Variants in GASK1B observed in about 807,000 individuals in gnomAD.
The protein encoded by GASK1B is Golgi-associated kinase 1B.
A neutral mutation model predicts 42.8 loss-of-function variants in GASK1B; 34 were observed. That is an observed-to-expected ratio of 0.79 (90% CI 0.60 to 1.06). The LOEUF is 1.06. Among genes scored for constraint, GASK1B ranks in the 50% least tolerant of loss-of-function variants. The pLI, the probability that GASK1B is intolerant of heterozygous loss-of-function variation, is 0.00. For synonymous variants in GASK1B, 262 were observed against 259.1 expected, an observed-to-expected ratio of 1.01 and a Z score of -0.11; for missense variants, 686 against 661.0, an observed-to-expected ratio of 1.04 and a Z score of -0.42.
intron 3 of GASK1B, among the ~76,000 whole-genome samples, chr4:158,133,943 C>G (rs768566521): frequency 6.6e-5 from 10 of 152,078 alleles, no homozygotes. Flanking sequence ...TGTGTGTACA[C>G]CTGCAGATGT....
chr4:158,129,313 G>A (rs988544234), intron 4 of GASK1B, among the ~76,000 whole-genome samples: 3 of 152,134 alleles, frequency 2.0e-5, no homozygotes, highest in Admixed American at 2.0e-4. Flanking sequence ...AAGACCCTGC[G>A]ATATCACCTT....
intron 2 of GASK1B, chr4:158,170,105 T>C (rs1732409119): frequency 2.4e-6 from 2 of 836,418 alleles, no homozygotes; most frequent in Non-Finnish European, 3.7e-6. Context: ...ATAGTATGCC[T>C]GACTGTCAGC....
At chr4:158,158,194 G>C (rs938903686) in intron 2 of GASK1B, among the ~76,000 whole-genome samples, 1 of 152,098 alleles carries the variant, frequency 6.6e-6, no homozygotes, top group Non-Finnish European at 1.5e-5. Flanking sequence ...ATTCAAAACT[G>C]ACCTTATCAG....
At chr4:158,151,227 C>T (rs1731543994) in intron 3 of GASK1B, among the ~76,000 whole-genome samples, 1 of 152,024 alleles carries the variant, frequency 6.6e-6, no homozygotes, top group Admixed American at 6.6e-5. Context: ...AGGAGTCACA[C>T]AATTATGTAG....
chr4:158,158,579 G>A (rs1731846631), intron 2 of GASK1B, among the ~76,000 whole-genome samples: 1 of 151,868 alleles, frequency 6.6e-6, no homozygotes, highest in Non-Finnish European at 1.5e-5. Context: ...TTTTTAAATA[G>A]TACCACTTTA....
chr4:158,163,240 G>A lies in GASK1B; in HGVS notation c.910+7226C>T, dbSNP rs149153263. 2.1e-3 allele frequency among the ~76,000 whole-genome samples: 320 copies of A among 152,306 alleles called. 1 individual carries two copies. The highest frequency in any genetic ancestry group is 7.4e-3 in the African/African-American group (308 of 41,572). On this transcript the variant is annotated intron_variant, in intron 2 of 4. Coordinates refer to ENST00000585682, the MANE Select transcript of GASK1B (RefSeq NM_001128424.2). Reference sequence around the variant, plus strand: ...AATCTAAAGAAGCATATCATAAAGAGCTACATCAGCTTAGAAATGGTATGA... The same window carrying A: ...AATCTAAAGAAGCATATCATAAAGAACTACATCAGCTTAGAAATGGTATGA...
At chr4:158,153,247 C>A (rs1387669991) in intron 3 of GASK1B, among the ~76,000 whole-genome samples, 1 of 152,058 alleles carries the variant, frequency 6.6e-6, no homozygotes, top group African/African-American at 2.4e-5. Flanking sequence ...ACCCCTTTTA[C>A]AATAGCTGCA....
chr4:158,144,657 A>T (rs2346783), intron 3 of GASK1B, among the ~76,000 whole-genome samples: 140,731 of 152,040 alleles, frequency 0.93, 65,403 homozygotes, highest in East Asian at 0.98. Context: ...CATTGTTCTC[A>T]AAACCCTCTG....
intron 2 of GASK1B, among the ~76,000 whole-genome samples, chr4:158,164,461 C>T (rs938698158): frequency 6.6e-6 from 1 of 152,158 alleles, no homozygotes; most frequent in Non-Finnish European, 1.5e-5. Flanking sequence ...TAAGAGGACA[C>T]TGGAGCACAG....
intron 3 of GASK1B, among the ~76,000 whole-genome samples, chr4:158,141,911 T>G (rs1579020056): frequency 8.3e-6 from 1 of 120,528 alleles, no homozygotes; most frequent in East Asian, 2.4e-4. Context: ...CCGGCCGATG[T>G]TGTGGTTTCT....
intron 2 of GASK1B, among the ~76,000 whole-genome samples, chr4:158,160,136 T>C (rs1301015988): frequency 6.6e-6 from 1 of 152,126 alleles, no homozygotes; most frequent in Non-Finnish European, 1.5e-5. Context: ...ATAATACCCA[T>C]TGAAGAAAAC....
At chr4:158,137,706 G>T (rs2110945208) in intron 3 of GASK1B, among the ~76,000 whole-genome samples, 1 of 152,182 alleles carries the variant, frequency 6.6e-6, no homozygotes, top group South Asian at 2.1e-4. Context: ...CAAAGCAAAA[G>T]CCCACAGTAT....
At chr4:158,158,916 T>A (rs910167896) in intron 2 of GASK1B, among the ~76,000 whole-genome samples, 3 of 152,128 alleles carry the variant, frequency 2.0e-5, no homozygotes, top group African/African-American at 7.2e-5. Context: ...TGGGCCATTT[T>A]TGGCCTACAG....
intron 3 of GASK1B, among the ~76,000 whole-genome samples, chr4:158,144,035 A>G (rs1309482380): frequency 1.3e-5 from 2 of 152,160 alleles, no homozygotes; most frequent in Non-Finnish European, 2.9e-5. Context: ...ATTTGTTTAC[A>G]TTATTTCCCT....
intron 3 of GASK1B, among the ~76,000 whole-genome samples, chr4:158,134,677 T>C (rs941764506): frequency 2.0e-5 from 3 of 152,164 alleles, no homozygotes; most frequent in African/African-American, 7.2e-5. Flanking sequence ...CCAAATTTTT[T>C]GGTGGTGGTG....
At chr4:158,172,608 AG>A (rs1290463118) in intron 1 of GASK1B, 1 of 152,378 alleles carries the variant, frequency 6.6e-6, no homozygotes, top group African/African-American at 2.4e-5. Flanking sequence ...TTCGGAAAAA[AG>A]AAATGCCGTA....
chr4:158,170,583 A>G lies in GASK1B; in HGVS notation c.793T>C (p.Cys265Arg), dbSNP rs769645665. 4 of 1,614,096 alleles carry G rather than the reference A, an allele frequency of 2.5e-6. No individual in the cohort carries two copies. The highest frequency in any genetic ancestry group is 3.4e-6 in the Non-Finnish European group (4 of 1,180,038). ...TCCAAGGGCTGCTTGAGAAGCCCAC[A>G]GGGGCTAGGGCCACAGCGGAGCACA... ...GAVLRCGPSP[C>R]GLLKQPLDMS... Residue 265 changes from cysteine (C) to arginine (R), a missense_variant, in exon 2 of 5, where the codon TGT becomes CGT. By Grantham distance (180) the Cys-to-Arg change is radical. Coordinates refer to ENST00000585682, the MANE Select transcript of GASK1B (RefSeq NM_001128424.2).
chr4:158,168,453 C>T (rs1257776449), intron 2 of GASK1B: 1 of 152,164 alleles, frequency 6.6e-6, no homozygotes, highest in Non-Finnish European at 1.5e-5. Context: ...ATTCAATGAA[C>T]TTGGTACCTC....
chr4:158,129,547 G>A (rs1730591916), intron 4 of GASK1B, among the ~76,000 whole-genome samples: 2 of 152,088 alleles, frequency 1.3e-5, no homozygotes, highest in Non-Finnish European at 2.9e-5. Flanking sequence ...CACCATGTAA[G>A]TAATAGTGTT....
Sources: allele counts gnomAD v4.1 joint callset (sites outside exome capture counted in the v4.1 genomes callset), GRCh38; gene constraint gnomAD v4.1.1; transcripts MANE v1.5; gene names NCBI Gene and HGNC (gene_info 2026-07-23, HGNC 2026-07-21).